The following LINGO2 variants were observed in gnomAD, a reference collection of about 807,000 sequenced individuals.
LINGO2 encodes leucine-rich repeat and immunoglobulin-like domain-containing nogo receptor-interacting protein 2.
In LINGO2, 14 loss-of-function variants were observed where a neutral mutation model predicts 30.6. The ratio of observed to expected loss-of-function variants is 0.46; its 90% CI spans 0.30 to 0.72. The LOEUF is 0.72. Among genes scored for constraint, LINGO2 ranks in the 30% least tolerant of loss-of-function variants. LINGO2 has a pLI of 0.07. For missense variants in LINGO2, 729 were observed against 751.7 expected (o/e 0.97, Z 0.35); for synonymous variants, 317 against 288.5 (o/e 1.10, Z -1.00).
At chr9:28,673,158 G>T (rs1454402683), upstream of LINGO2, among the ~76,000 whole-genome samples, 1 of 152,024 alleles carries the variant, frequency 6.6e-6, no homozygotes, top group African/African-American at 2.4e-5. Context: ...TCAGAGTTTT[G>T]TGGGTTAATA....
chr9:28,441,983 A>C (rs1403730170), intron 2 of LINGO2, among the ~76,000 whole-genome samples: 1 of 151,996 alleles, frequency 6.6e-6, no homozygotes, highest in Admixed American at 6.6e-5. Flanking sequence ...ATATCGATTC[A>C]ATCTTTTTAT....
intron 1 of LINGO2, among the ~76,000 whole-genome samples, chr9:28,539,512 A>G (rs1483074373): frequency 6.6e-6 from 1 of 152,088 alleles, no homozygotes; most frequent in Admixed American, 6.5e-5. Context: ...AAAAAAAAAA[A>G]CAAGGCAAAC....
the LINGO2 span, among the ~76,000 whole-genome samples, chr9:28,849,507 G>A: frequency 4.6e-5 from 7 of 152,006 alleles, no homozygotes; most frequent in African/African-American, 1.7e-4. Context: ...TGCTGTAATA[G>A]TAGGTCATTG....
downstream of LINGO2, chr9:27,944,108 T>C (rs1823273595): frequency 2.0e-5 from 3 of 152,214 alleles, no homozygotes; most frequent in African/African-American, 7.2e-5. Flanking sequence ...TCCTAGACCA[T>C]TTGTTAAAAA....
chr9:28,457,336 G>C (rs141847135), intron 2 of LINGO2, among the ~76,000 whole-genome samples: 1 of 152,146 alleles, frequency 6.6e-6, no homozygotes, highest in Admixed American at 6.6e-5. Flanking sequence ...CACAGTGAAG[G>C]CTTAAGTTAA....
At chr9:28,559,920 C>T (rs1456124140) in intron 1 of LINGO2, among the ~76,000 whole-genome samples, 3 of 151,886 alleles carry the variant, frequency 2.0e-5, no homozygotes, top group Non-Finnish European at 4.4e-5. Flanking sequence ...CTTAAAAATA[C>T]TATAAAATCA....
At chr9:28,812,762 C>G in the LINGO2 span, among the ~76,000 whole-genome samples, 3 of 152,038 alleles carry the variant, frequency 2.0e-5, no homozygotes, top group East Asian at 5.8e-4. Context: ...GAGATAAAAG[C>G]AAGAGAGACA....
At chr9:29,026,106 C>T in the LINGO2 span, among the ~76,000 whole-genome samples, 3 of 151,978 alleles carry the variant, frequency 2.0e-5, no homozygotes, top group Admixed American at 6.6e-5. Flanking sequence ...TGATCAACCA[C>T]ACTACAGTCT....
rs947121747 is a variant in LINGO2 at position 28,129,888 on chromosome 9, T to C, written c.-86-117483A>G. On this transcript the variant is annotated intron_variant, in intron 4 of 5. Transcript: ENST00000379992. The surrounding 1 kb of genome is among the most constrained non-coding windows in gnomAD (Gnocchi z 4.0). ...AACATGCATAGAAAAAATATGTTGT[T>C]CTTTTTATAGAATGAGAAATAACTA... Among the ~76,000 whole-genome samples, 1 of 152,230 alleles carries C rather than the reference T, an allele frequency of 6.6e-6. No homozygotes were observed. The highest frequency in any genetic ancestry group is 1.5e-5 in the Non-Finnish European group (1 of 68,038).
chr9:28,080,336 G>A (rs886207494), intron 4 of LINGO2, among the ~76,000 whole-genome samples: 5 of 151,928 alleles, frequency 3.3e-5, no homozygotes, highest in South Asian at 2.1e-4. Flanking sequence ...TTCTTCTGTC[G>A]CTCTTTTACT....
chr9:27,949,329 C>T (rs145524081), exon 6 of LINGO2: 28 of 1,613,990 alleles, frequency 1.7e-5, no homozygotes, highest in African/African-American at 4.0e-5. Context: ...GAAACGCCTT[C>T]GGGGTGTCAC....
At chr9:28,978,400 G>A in the LINGO2 span, among the ~76,000 whole-genome samples, 3 of 152,128 alleles carry the variant, frequency 2.0e-5, no homozygotes, top group African/African-American at 7.2e-5. Context: ...GCCTATGATA[G>A]GGTATGTTGT....
chr9:28,678,724 T>G, the LINGO2 span, among the ~76,000 whole-genome samples: 1 of 152,160 alleles, frequency 6.6e-6, no homozygotes, highest in Admixed American at 6.6e-5. Flanking sequence ...CTGTCATTAC[T>G]AAGTGAAATT....
At chr9:28,134,265 G>T (rs1329969771) in intron 4 of LINGO2, among the ~76,000 whole-genome samples, 1 of 152,094 alleles carries the variant, frequency 6.6e-6, no homozygotes, top group African/African-American at 2.4e-5. Flanking sequence ...AAAATATAGA[G>T]AAAGAGAGAC....
At chr9:27,991,568 C>A (rs1230719258) in intron 5 of LINGO2, among the ~76,000 whole-genome samples, 1 of 151,816 alleles carries the variant, frequency 6.6e-6, no homozygotes. Flanking sequence ...AGGTGGTTGC[C>A]CCCAAAAAGG....
the LINGO2 span, among the ~76,000 whole-genome samples, chr9:28,987,257 C>A: frequency 0.51 from 77,980 of 151,452 alleles, 21,178 homozygotes; most frequent in Non-Finnish European, 0.6. Context: ...GCTATTTCTT[C>A]ATAATTCAGT....
At chr9:29,179,189 ATATATATATATATG>A in the LINGO2 span, among the ~76,000 whole-genome samples, 5 of 64,446 alleles carry the variant, frequency 7.8e-5, no homozygotes, top group South Asian at 2.3e-3. Flanking sequence ...ATATATATAT[ATATATATATATATG>A]TTTCACTCCT....
Position 28,431,189 on chromosome 9 carries a change from T to C in LINGO2, c.-279+44751A>G, listed in dbSNP as rs368447905. 1.8e-4 allele frequency among the ~76,000 whole-genome samples: 27 copies of C among 152,240 alleles called. 1 individual carries two copies. In the South Asian group the frequency reaches 5.6e-3, roughly 32 times the overall value. On this transcript the variant is annotated intron_variant, in intron 2 of 5. Coordinates refer to ENST00000379992, the Ensembl canonical transcript of LINGO2. ...AAGTCTGGCCACATTCAAGAAGTGA[T>C]TATAGAGAACATAAATACTAGGAGT...
chr9:28,092,139 G>A (rs191562541), intron 4 of LINGO2, among the ~76,000 whole-genome samples: 20 of 152,252 alleles, frequency 1.3e-4, no homozygotes, highest in African/African-American at 4.8e-4. Flanking sequence ...ACAGTATGGC[G>A]ATTCCTCAAG....
Sources: allele counts gnomAD v4.1 joint callset (sites outside exome capture counted in the v4.1 genomes callset), GRCh38; gene constraint gnomAD v4.1.1; non-coding constraint Gnocchi (gnomAD v3.1); transcripts MANE v1.5; gene names NCBI Gene and HGNC (gene_info 2026-07-23, HGNC 2026-07-21).